KCNG2: variants seen among roughly 807,000 people sequenced by gnomAD.
KCNG2 encodes potassium voltage-gated channel modifier subfamily G member 2, also known as voltage-gated potassium channel regulatory subunit KCNG2.
In KCNG2, 7 loss-of-function variants were observed where a neutral mutation model predicts 12.3. The ratio of observed to expected loss-of-function variants is 0.57; its 90% CI spans 0.32 to 1.07. The LOEUF is 1.07. Among genes scored for constraint, KCNG2 ranks in the 50% least tolerant of loss-of-function variants. The pLI is 0.04. For synonymous variants in KCNG2, 414 were observed against 351.4 expected (o/e 1.18, Z -1.99); for missense variants, 703 against 726.0 (o/e 0.97, Z 0.36).
intron 1 of KCNG2, among the ~76,000 whole-genome samples, chr18:79,847,022 A>C (rs1978650983): frequency 6.6e-6 from 1 of 152,222 alleles, no homozygotes; most frequent in Admixed American, 6.5e-5. Flanking sequence ...ACCTGAACCA[A>C]ATTTGTGAAG....
intron 2 of KCNG2, among the ~76,000 whole-genome samples, chr18:79,858,752 T>G (rs962616837): frequency 6.6e-6 from 1 of 152,204 alleles, no homozygotes; most frequent in Non-Finnish European, 1.5e-5. Flanking sequence ...TTTCCATTTG[T>G]TTGACTATAA....
chr18:79,851,806 G>A (rs1315361228), intron 1 of KCNG2, among the ~76,000 whole-genome samples: 1 of 152,146 alleles, frequency 6.6e-6, no homozygotes, highest in African/African-American at 2.4e-5. Context: ...GTGAATGTGT[G>A]TGAATGTGCA....
At chr18:79,878,890 C>T (rs564970138) in intron 3 of KCNG2, among the ~76,000 whole-genome samples, 8 of 152,326 alleles carry the variant, frequency 5.3e-5, no homozygotes, top group South Asian at 2.1e-4. Context: ...TGGGAGATGC[C>T]GGCAGCCCAC....
chr18:79,874,106 G>A lies in KCNG2; in HGVS notation c.624+9815G>A, dbSNP rs556027534. ...CTCCTGACTGCCTCGGGAATCCTTG[G>A]CCCTCACATTCGGCCCTCACAGCGC... On this transcript the variant is annotated intron_variant, in intron 3 of 3. Transcript: ENST00000316249. Among the ~76,000 whole-genome samples the A allele has an allele frequency of 1.1e-4, 17 of 152,328 alleles. No homozygotes were observed. In the South Asian group the frequency reaches 3.1e-3, roughly 28 times the overall value.
chr18:79,854,102 T>C (rs1041091539), intron 1 of KCNG2, among the ~76,000 whole-genome samples: 4 of 152,238 alleles, frequency 2.6e-5, no homozygotes, highest in Non-Finnish European at 4.4e-5. Flanking sequence ...TACAACTGTT[T>C]CCTGGTCGTG....
At chr18:79,824,093 C>T (rs991444442) in intron 1 of KCNG2, among the ~76,000 whole-genome samples, 3 of 152,220 alleles carry the variant, frequency 2.0e-5, no homozygotes, top group African/African-American at 7.2e-5. Context: ...GCCTCCGCCC[C>T]CCAGGCTCAG....
chr18:79,870,273 G>A (rs527604709), intron 3 of KCNG2, among the ~76,000 whole-genome samples: 5 of 152,362 alleles, frequency 3.3e-5, no homozygotes, highest in South Asian at 4.1e-4. Context: ...CGGAATAATC[G>A]GCAGGGAGCG....
chr18:79,882,927 A>G lies in KCNG2; in HGVS notation c.625-16113A>G, dbSNP rs28690996. Among the ~76,000 whole-genome samples the G allele has an allele frequency of 2.8e-4, 42 of 150,378 alleles. 2 individuals carry two copies. The highest frequency in any genetic ancestry group is 7.2e-4 in the African/African-American group (29 of 40,126). The stretch of plus-strand genomic sequence containing the variant: ...CGCGTGGCACGCGGAGGCCGGGTAC[A>G]CCTGCGCTCATCGCACACCAGCGCC... On this transcript the variant is annotated intron_variant, in intron 3 of 3. Coordinates refer to ENST00000316249, the MANE Select transcript of KCNG2 (RefSeq NM_012283.2).
rs967064678 is a variant in KCNG2 at position 79,800,144 on chromosome 18, C to A, written c.-115+2130C>A. The stretch of plus-strand genomic sequence containing the variant: ...CGCGTCTCTCTGCAGCCCTGGCAGG[C>A]GTGGGGGCGGGAGTGAAGGGAGCAG... On this transcript the variant is annotated intron_variant, in intron 1 of 3. Transcript: ENST00000316249. This position sits in a 1 kb window ranked among gnomAD's most constrained non-coding sequence, Gnocchi z 4.0. Among the ~76,000 whole-genome samples, 3 of 150,696 alleles carry A rather than the reference C, an allele frequency of 2.0e-5. No homozygotes were observed. The highest frequency in any genetic ancestry group is 4.4e-5 in the Non-Finnish European group (3 of 67,718).
intron 3 of KCNG2, among the ~76,000 whole-genome samples, chr18:79,883,293 G>C (rs73970131): frequency 6.6e-6 from 1 of 152,118 alleles, no homozygotes. Context: ...GGGGGAAGCT[G>C]GGGGAGCTGT....
chr18:79,819,500 C>T (rs2087555194), intron 1 of KCNG2, among the ~76,000 whole-genome samples: 1 of 152,248 alleles, frequency 6.6e-6, no homozygotes, highest in African/African-American at 2.4e-5. Flanking sequence ...GCAGCTGGCA[C>T]TCAGTGTCCC....
chr18:79,888,556 G>A (rs961405416), intron 3 of KCNG2, among the ~76,000 whole-genome samples: 4 of 152,044 alleles, frequency 2.6e-5, no homozygotes, highest in East Asian at 3.9e-4. Flanking sequence ...GTGGGGCTGG[G>A]ACGGCGGCGT....
intron 1 of KCNG2, among the ~76,000 whole-genome samples, chr18:79,838,662 C>T (rs1192161579): frequency 6.6e-6 from 1 of 152,198 alleles, no homozygotes; most frequent in Non-Finnish European, 1.5e-5. Context: ...CCTCCCACCT[C>T]AGCCTCTCAA....
At chr18:79,829,420 G>A (rs1036572367) in intron 1 of KCNG2, among the ~76,000 whole-genome samples, 3 of 152,164 alleles carry the variant, frequency 2.0e-5, no homozygotes, top group Non-Finnish European at 2.9e-5. Flanking sequence ...TTCATGGCCC[G>A]TGTTTCTCAG....
chr18:79,828,790 A>G (rs1381038067), intron 1 of KCNG2, among the ~76,000 whole-genome samples: 1 of 85,128 alleles, frequency 1.2e-5, no homozygotes, highest in Non-Finnish European at 2.3e-5. Flanking sequence ...CTGTGTGTGC[A>G]TGTGTCTGTG....
chr18:79,895,941 C>A (rs1388326870), intron 3 of KCNG2, among the ~76,000 whole-genome samples: 1 of 152,172 alleles, frequency 6.6e-6, no homozygotes, highest in Non-Finnish European at 1.5e-5. Flanking sequence ...TCTAATGGAG[C>A]ATTTTAATTC....
At chr18:79,885,736 C>T (rs1980501514) in intron 3 of KCNG2, among the ~76,000 whole-genome samples, 1 of 152,032 alleles carries the variant, frequency 6.6e-6, no homozygotes, top group African/African-American at 2.4e-5. Context: ...ACACCGGGGA[C>T]ACGAGGGAGA....
At chr18:79,874,701 T>C (rs562409259) in intron 3 of KCNG2, among the ~76,000 whole-genome samples, 58 of 152,318 alleles carry the variant, frequency 3.8e-4, no homozygotes, top group African/African-American at 1.3e-3. Context: ...CCGCATCAAC[T>C]GGGGTCTCCA....
chr18:79,899,763 G>A lies in KCNG2; in HGVS notation c.1348G>A (p.Ala450Thr), dbSNP rs201158480. The A allele has an allele frequency of 1.1e-4, 165 of 1,531,172 alleles. No individual in the cohort carries two copies. In the African/African-American group the frequency reaches 1.6e-3, roughly 15 times the overall value. 94.8% of individuals were successfully genotyped at this position (1,531,172 alleles called of 1,614,324 possible). ...GGACAGCTCGCAGGGCCCCGACAGC[G>A]CGGGCCTGGCCGACGACTCCGCGGA... is the stretch of plus-strand genomic sequence containing the variant. Reference protein sequence around the residue: ...TEDSSQGPDSAGLADDSADAL... With the variant: ...TEDSSQGPDSTGLADDSADAL... Residue 450 changes from alanine to threonine, a missense_variant, in exon 4 of 4, where the codon GCG (alanine) becomes ACG (threonine). Transcript: ENST00000316249.
Sources: allele counts gnomAD v4.1 joint callset (sites outside exome capture counted in the v4.1 genomes callset), GRCh38; gene constraint gnomAD v4.1.1; non-coding constraint Gnocchi (gnomAD v3.1); transcripts MANE v1.5; gene names NCBI Gene and HGNC (gene_info 2026-07-23, HGNC 2026-07-21).